ZNF560: variants seen among roughly 807,000 people sequenced by gnomAD.
ZNF560 encodes the protein zinc finger protein 560.
Under a neutral mutation model 81.8 loss-of-function variants are expected in ZNF560, and 54 were observed. The observed-to-expected ratio is 0.66, with a 90% CI of 0.53 to 0.83. The LOEUF is 0.83. Among genes scored for constraint, ZNF560 ranks in the 40% least tolerant of loss-of-function variants. The pLI, the probability that ZNF560 is intolerant of heterozygous loss-of-function variation, is 0.00. For missense variants in ZNF560, 940 were observed against 932.4 expected, an observed-to-expected ratio of 1.01 and a Z score of -0.11; for synonymous variants, 321 against 317.9, an observed-to-expected ratio of 1.01 and a Z score of -0.10.
the ZNF560 span, among the ~76,000 whole-genome samples, chr19:9,461,212 G>C: frequency 3.9e-5 from 6 of 152,084 alleles, no homozygotes; most frequent in Non-Finnish European, 8.8e-5. Context: ...ACAAAGTTGT[G>C]TTCACCCTCC....
At chr19:9,503,070 C>T (rs2073644187), upstream of ZNF560, among the ~76,000 whole-genome samples, 1 of 151,964 alleles carries the variant, frequency 6.6e-6, no homozygotes. Flanking sequence ...AAATTTCCTA[C>T]TGAGGCCAGG....
At chr19:9,485,878 A>G (rs1254760492) in intron 2 of ZNF560, among the ~76,000 whole-genome samples, 2 of 152,202 alleles carry the variant, frequency 1.3e-5, no homozygotes, top group African/African-American at 2.4e-5. Flanking sequence ...AACATGCTCA[A>G]GTATCTTAGG....
upstream of ZNF560, among the ~76,000 whole-genome samples, chr19:9,500,210 C>T (rs2073620974): frequency 6.6e-6 from 1 of 151,682 alleles, no homozygotes; most frequent in African/African-American, 2.4e-5. Flanking sequence ...ATGGTGAAAC[C>T]CCGTCTCTAC....
intron 2 of ZNF560, among the ~76,000 whole-genome samples, chr19:9,479,593 A>G (rs892112385): frequency 2.0e-5 from 3 of 152,150 alleles, no homozygotes; most frequent in African/African-American, 7.2e-5. Flanking sequence ...TGAGTACCAC[A>G]TCTCCACTTA....
At chr19:9,492,903 C>T (rs1454821179) in intron 2 of ZNF560, among the ~76,000 whole-genome samples, 1 of 152,192 alleles carries the variant, frequency 6.6e-6, no homozygotes, top group Admixed American at 6.5e-5. Flanking sequence ...AATGCTTCCC[C>T]AGGGGCAACT....
chr19:9,459,845 C>T, the ZNF560 span, among the ~76,000 whole-genome samples: 7 of 152,166 alleles, frequency 4.6e-5, no homozygotes, highest in East Asian at 3.9e-4. Flanking sequence ...TGTAGTGCAG[C>T]GGGGCAGCCT....
intron 2 of ZNF560, among the ~76,000 whole-genome samples, chr19:9,485,439 A>T (rs979599409): frequency 6.6e-6 from 1 of 151,710 alleles, no homozygotes; most frequent in Non-Finnish European, 1.5e-5. Context: ...TCTTGTCAAC[A>T]GATGCAGAAA....
the ZNF560 span, among the ~76,000 whole-genome samples, chr19:9,504,248 A>G: frequency 6.6e-6 from 1 of 152,152 alleles, no homozygotes; most frequent in East Asian, 1.9e-4. Context: ...CAGCCTTGCC[A>G]ACATGGTGAA....
At position 9,467,606 on chromosome 19, in the gene ZNF560, A is replaced by G; in HGVS notation, c.1341T>C (p.Leu447=). 1 of 1,614,018 alleles carries G rather than the reference A, an allele frequency of 6.2e-7. No individual in the cohort carries two copies. The highest frequency in any genetic ancestry group is 8.5e-7 in the Non-Finnish European group (1 of 1,179,990). Residue 447 remains leucine (L), a synonymous_variant, in exon 10 of 10, where the codon CTT becomes CTC. Coordinates refer to ENST00000301480, the MANE Select transcript of ZNF560 (RefSeq NM_152476.3). ...CATTATGAACTCTCAAATGTCCAAAAAGAGATGGGTAAGAAATAAAGGCTT... is the reference window on the plus strand; with the variant it reads ...CATTATGAACTCTCAAATGTCCAAAGAGAGATGGGTAAGAAATAAAGGCTT... The part of the protein sequence containing the change: ...CGKAFISYPS[L]FGHLRVHNGE...
At chr19:9,489,890 A>G (rs1157133992) in intron 2 of ZNF560, among the ~76,000 whole-genome samples, 1 of 152,182 alleles carries the variant, frequency 6.6e-6, no homozygotes, top group Non-Finnish European at 1.5e-5. Flanking sequence ...GCACCCGGCC[A>G]GTCTCTTGTA....
At chr19:9,497,115 CA>C (rs2073571832) in intron 2 of ZNF560, among the ~76,000 whole-genome samples, 2 of 145,594 alleles carry the variant, frequency 1.4e-5, no homozygotes, top group African/African-American at 5.1e-5. Context: ...CATCCTGCCT[CA>C]AAAAAACTCT....
At chr19:9,455,185 TTGAGG>T in the ZNF560 span, among the ~76,000 whole-genome samples, 1 of 152,166 alleles carries the variant, frequency 6.6e-6, no homozygotes, top group Non-Finnish European at 1.5e-5. Context: ...ATGGCTACAT[TTGAGG>T]CTTTTCCCTT....
the ZNF560 span, among the ~76,000 whole-genome samples, chr19:9,448,103 G>A: frequency 6.6e-6 from 1 of 152,134 alleles, no homozygotes; most frequent in Non-Finnish European, 1.5e-5. Flanking sequence ...TTTCAAACCT[G>A]ACCAAACTAA....
Position 9,473,249 on chromosome 19 carries a change from G to A in ZNF560, c.168C>T (p.Leu56=), listed in dbSNP as rs1216475740. The A allele has an allele frequency of 6.2e-7, 1 of 1,610,186 alleles. No individual in the cohort carries two copies. Among genetic ancestry groups the A allele is most frequent in the Non-Finnish European group, 8.5e-7 (1 of 1,178,392 alleles). Residue 56 remains leucine (L), a synonymous_variant, in exon 5 of 10, where the codon CTC becomes CTT. Coordinates refer to ENST00000301480, the MANE Select transcript of ZNF560 (RefSeq NM_152476.3). Reference sequence around the variant, plus strand: ...ACCAAGAGATGACACTGGGTTTAAAGAGCTGAAATCCTTTACATGAAGAAA... The same window carrying A: ...ACCAAGAGATGACACTGGGTTTAAAAAGCTGAAATCCTTTACATGAAGAAA... The part of the protein sequence containing the change: ...YENVAKVGFQ[L]FKPSVISWLE...
upstream of ZNF560, chr19:9,498,815 TGGGCGGGGCCCATGCCCGG>T (rs1006237776): frequency 6.6e-6 from 1 of 151,946 alleles, no homozygotes; most frequent in African/African-American, 2.4e-5. Flanking sequence ...ATCAGGGCTG[TGGGCGGGGCCCATGCCCGG>T]GGGCGGGGCT....
At chr19:9,474,823 A>ATTTTTTTTTT (rs35450965) in intron 3 of ZNF560, among the ~76,000 whole-genome samples, 2 of 85,684 alleles carry the variant, frequency 2.3e-5, no homozygotes, top group Non-Finnish European at 4.3e-5. Context: ...CATGCCTGGC[A>ATTTTTTTTTT]TTTTTTTTTT....
At chr19:9,493,292 A>G (rs1248837538) in intron 2 of ZNF560, among the ~76,000 whole-genome samples, 1 of 152,232 alleles carries the variant, frequency 6.6e-6, no homozygotes, top group East Asian at 1.9e-4. Flanking sequence ...TCATCGAAAA[A>G]GTAAAACCAT....
chr19:9,466,646 G>A lies in ZNF560; in HGVS notation c.2301C>T (p.Pro767=). ...QHLRTHMGEK[P]FECDQCGKAF... ...CTTTCCCACACTGGTCACATTCAAAGGGTTTCTCTCCCATATGAGTTCTTA... is the reference window on the plus strand; with the variant it reads ...CTTTCCCACACTGGTCACATTCAAAAGGTTTCTCTCCCATATGAGTTCTTA... Residue 767 remains proline, a synonymous_variant, in exon 10 of 10, where the codon CCC becomes CCT. Transcript: ENST00000301480. 1 of 1,613,864 alleles carries A rather than the reference G, an allele frequency of 6.2e-7. No individual in the cohort carries two copies. Among genetic ancestry groups the A allele is most frequent in the South Asian group, 1.1e-5 (1 of 91,038 alleles).
At chr19:9,482,189 C>A (rs1005804031) in intron 2 of ZNF560, among the ~76,000 whole-genome samples, 1 of 151,902 alleles carries the variant, frequency 6.6e-6, no homozygotes, top group East Asian at 1.9e-4. Context: ...AAACCAAACA[C>A]AGCATGTTCT....
Sources: gnomAD v4.1 joint callset for allele counts (sites outside exome capture counted in the v4.1 genomes callset) on GRCh38, gnomAD v4.1.1 for gene constraint, MANE v1.5 for transcripts, NCBI Gene and HGNC (gene_info 2026-07-23, HGNC 2026-07-21) for gene names.